MRPL1: variants seen among roughly 807,000 people sequenced by gnomAD.
The protein encoded by MRPL1 is large ribosomal subunit protein uL1m.
A neutral mutation model predicts 38.0 loss-of-function variants in MRPL1; 28 were observed. The ratio of observed to expected loss-of-function variants is 0.74; its 90% CI spans 0.55 to 1.01. The LOEUF (loss-of-function observed/expected upper bound fraction) is 1.01, where lower values mean the gene tolerates loss of function less well. Among genes scored for constraint, MRPL1 ranks in the 50% least tolerant of loss-of-function variants. The pLI, the probability that MRPL1 is intolerant of heterozygous loss-of-function variation, is 0.00. For synonymous variants in MRPL1, 123 were observed against 126.7 expected, an observed-to-expected ratio of 0.97 and a Z score of 0.20; for missense variants, 358 against 389.8, an observed-to-expected ratio of 0.92 and a Z score of 0.69.
intron 2 of MRPL1, among the ~76,000 whole-genome samples, chr4:77,880,340 TTTC>T (rs1160735970): frequency 2.0e-5 from 3 of 152,164 alleles, no homozygotes; most frequent in African/African-American, 7.2e-5. Flanking sequence ...GTTGCTTGAA[TTTC>T]TTCAGTGTCA....
At chr4:77,903,213 A>C (rs972382638) in intron 6 of MRPL1, among the ~76,000 whole-genome samples, 2 of 152,208 alleles carry the variant, frequency 1.3e-5, no homozygotes, top group African/African-American at 4.8e-5. Flanking sequence ...TTAATATCTG[A>C]ACATCAATAT....
chr4:77,878,953 A>G (rs1483355272), intron 2 of MRPL1, among the ~76,000 whole-genome samples: 1 of 152,200 alleles, frequency 6.6e-6, no homozygotes, highest in Non-Finnish European at 1.5e-5. Flanking sequence ...CAGATGAGAC[A>G]GGGGAAAAGT....
intron 2 of MRPL1, among the ~76,000 whole-genome samples, chr4:77,881,653 C>G (rs564741816): frequency 6.6e-6 from 1 of 152,168 alleles, no homozygotes; most frequent in East Asian, 1.9e-4. Context: ...ATTGCCCAGG[C>G]TGGTCTTGAA....
At chr4:77,891,066 A>G (rs1400029481) in intron 5 of MRPL1, among the ~76,000 whole-genome samples, 1 of 152,186 alleles carries the variant, frequency 6.6e-6, no homozygotes, top group Non-Finnish European at 1.5e-5. Context: ...TGGTTGCAGA[A>G]CTAGTGGAAA....
At chr4:77,910,174 C>A (rs1736253688) in intron 7 of MRPL1, among the ~76,000 whole-genome samples, 1 of 152,112 alleles carries the variant, frequency 6.6e-6, no homozygotes, top group African/African-American at 2.4e-5. Flanking sequence ...GGCATGCAAG[C>A]CCAGAGAAGT....
chr4:77,917,026 T>G (rs2110251749), intron 7 of MRPL1, among the ~76,000 whole-genome samples: 1 of 152,344 alleles, frequency 6.6e-6, no homozygotes, highest in African/African-American at 2.4e-5. Flanking sequence ...GGTGTGAGTG[T>G]GAGCACATGT....
At chr4:77,872,445 A>G (rs1263862294) in intron 2 of MRPL1, among the ~76,000 whole-genome samples, 1 of 152,068 alleles carries the variant, frequency 6.6e-6, no homozygotes, top group Admixed American at 6.6e-5. Context: ...AATTTGTATT[A>G]TTTTGGCTGG....
chr4:77,909,547 A>C (rs73827454), intron 7 of MRPL1, among the ~76,000 whole-genome samples, 175 bp downstream of exon 7: 1,790 of 152,294 alleles, frequency 0.012, 38 homozygotes, highest in African/African-American at 0.041. Flanking sequence ...TAAACTCATA[A>C]ATTTTAATGG....
At chr4:77,865,258 G>T (rs1289351570) in intron 1 of MRPL1, among the ~76,000 whole-genome samples, 1 of 152,106 alleles carries the variant, frequency 6.6e-6, no homozygotes, top group Non-Finnish European at 1.5e-5. Context: ...CTGAACTTTA[G>T]ATTCTTATAC....
chr4:77,886,271 G>A (rs1046914117), intron 4 of MRPL1, among the ~76,000 whole-genome samples: 1 of 152,072 alleles, frequency 6.6e-6, no homozygotes, highest in Non-Finnish European at 1.5e-5. Context: ...GGGCTGAAGC[G>A]ATTCTCCTGC....
intron 5 of MRPL1, among the ~76,000 whole-genome samples, chr4:77,888,664 TTC>T (rs904305272): frequency 6.6e-6 from 1 of 152,020 alleles, no homozygotes; most frequent in African/African-American, 2.4e-5. Context: ...TTTCTTAGGG[TTC>T]TCTCTAAAAG....
At chr4:77,901,670 A>G (rs1736038645) in intron 6 of MRPL1, among the ~76,000 whole-genome samples, 1 of 152,248 alleles carries the variant, frequency 6.6e-6, no homozygotes. Flanking sequence ...TTCTATAATA[A>G]TAATAAGACT....
rs189207574 is a variant in MRPL1 at position 77,940,420 on chromosome 4, A to T, written c.778-9377A>T. On this transcript the variant is annotated intron_variant, in intron 7 of 8. Coordinates refer to ENST00000315567, the MANE Select transcript of MRPL1 (RefSeq NM_020236.4). ...TGTATCTTGAAACTTTGCTGAATTCATTTATCAGTTATAGGAGCTTTTTGA... is the reference window on the plus strand; with the variant it reads ...TGTATCTTGAAACTTTGCTGAATTCTTTTATCAGTTATAGGAGCTTTTTGA... Among the ~76,000 whole-genome samples, 10 of 152,240 alleles carry T rather than the reference A, an allele frequency of 6.6e-5. No homozygotes were observed. In the East Asian group the frequency reaches 1.5e-3, roughly 24 times the overall value.
chr4:77,903,095 A>G (rs1736071267), intron 6 of MRPL1, among the ~76,000 whole-genome samples: 1 of 152,230 alleles, frequency 6.6e-6, no homozygotes, highest in Non-Finnish European at 1.5e-5. Context: ...CGCAAAAAAT[A>G]CTGTTAACAA....
chr4:77,889,433 T>C (rs1735756892), intron 5 of MRPL1, among the ~76,000 whole-genome samples: 2 of 151,980 alleles, frequency 1.3e-5, no homozygotes, highest in South Asian at 2.1e-4. Flanking sequence ...TTGAAACCAA[T>C]GAGAAAAAAG....
At chr4:77,886,416 C>G (rs538778277) in intron 4 of MRPL1, among the ~76,000 whole-genome samples, 130 of 151,996 alleles carry the variant, frequency 8.6e-4, no homozygotes, top group African/African-American at 3.0e-3. Flanking sequence ...CTTACCGCAA[C>G]CTCTGCCTCC....
intron 7 of MRPL1, among the ~76,000 whole-genome samples, chr4:77,921,662 T>C (rs757549170): frequency 1.3e-5 from 2 of 152,170 alleles, no homozygotes; most frequent in Non-Finnish European, 2.9e-5. Context: ...ACTACTTTGA[T>C]ACAGGAGGAC....
rs567807268 is a variant in MRPL1 at position 77,932,603 on chromosome 4, G to A, written c.778-17194G>A. 1.9e-3 allele frequency among the ~76,000 whole-genome samples: 284 copies of A among 152,062 alleles called. 1 individual carries two copies. Among genetic ancestry groups the A allele is most frequent in the East Asian group, 5.8e-3 (30 of 5,174 alleles). ...ACAGCAACCAAAACGAGATTACAGA[G>A]TAGATTGGACATAAGCAACACACTT... On this transcript the variant is annotated intron_variant, in intron 7 of 8. Transcript: ENST00000315567.
In MRPL1 at chr4:77,885,342, G is replaced by A. The variant is rs1227280909; in HGVS notation, c.486+3G>A. 2 of 1,603,990 alleles carry A rather than the reference G, an allele frequency of 1.2e-6. No homozygotes were observed. The highest frequency in any genetic ancestry group is 1.1e-5 in the South Asian group (1 of 90,784). On this transcript the variant is annotated splice_donor_region_variant and intron_variant, in intron 4 of 8. Transcript: ENST00000315567. ...ATAAAGTTGCTGTATTTACAGAGGT[G>A]AGTAACTTCCGTCAACTATTTATAT...
Sources: allele counts gnomAD v4.1 joint callset (sites outside exome capture counted in the v4.1 genomes callset), GRCh38; gene constraint gnomAD v4.1.1; transcripts MANE v1.5; gene names NCBI Gene and HGNC (gene_info 2026-07-23, HGNC 2026-07-21).